KCTD1: variants seen among roughly 807,000 people sequenced by gnomAD.
KCTD1 encodes the protein potassium channel tetramerization domain containing 1, also known as BTB/POZ domain-containing protein KCTD1.
KCTD1 carries 24 observed loss-of-function variants against 66.0 expected under a neutral mutation model. The observed-to-expected ratio is 0.36, with a 90% CI of 0.26 to 0.51. The LOEUF is 0.51. KCTD1 is among the 20% of genes least tolerant of loss of function. The pLI is 0.95. For missense variants in KCTD1, 943 were observed against 1,205.2 expected, an observed-to-expected ratio of 0.78 and a Z score of 3.22; for synonymous variants, 511 against 517.2, an observed-to-expected ratio of 0.99 and a Z score of 0.16.
chr18:26,470,787 AG>A (rs1981016257), intron 3 of KCTD1, among the ~76,000 whole-genome samples: 1 of 152,322 alleles, frequency 6.6e-6, no homozygotes, highest in South Asian at 2.1e-4. Flanking sequence ...CACCAGGCCC[AG>A]GTAGGTTTGC....
At chr18:26,601,633 C>G (rs1025409576) in intron 1 of KCTD1, among the ~76,000 whole-genome samples, 1 of 152,204 alleles carries the variant, frequency 6.6e-6, no homozygotes, top group African/African-American at 2.4e-5. Flanking sequence ...AATACTATGT[C>G]TTCCAATCCA....
upstream of KCTD1, among the ~76,000 whole-genome samples, chr18:26,550,203 C>T (rs376803269): frequency 4.6e-5 from 7 of 152,238 alleles, no homozygotes; most frequent in East Asian, 1.9e-4. The surrounding 1 kb of genome is among the most constrained non-coding windows in gnomAD (Gnocchi z 5.4). Context: ...GAATTTACCT[C>T]CAAGTCCGAA....
At chr18:26,509,887 C>A (rs953232284) in intron 1 of KCTD1, among the ~76,000 whole-genome samples, 1 of 152,158 alleles carries the variant, frequency 6.6e-6, no homozygotes, top group Non-Finnish European at 1.5e-5. Context: ...CCGATCTAAC[C>A]CCAGTATCCT....
chr18:26,600,931 C>T (rs573742942), intron 1 of KCTD1, among the ~76,000 whole-genome samples: 5 of 152,110 alleles, frequency 3.3e-5, no homozygotes, highest in African/African-American at 1.2e-4. Context: ...TTTATGTTAA[C>T]CTTCAGGTAT....
chr18:26,599,490 G>A, intron 1 of KCTD1: 2 of 1,606,634 alleles, frequency 1.2e-6, no homozygotes, highest in Non-Finnish European at 8.5e-7. Context: ...GAAAGGTCTG[G>A]TGGATGAGCT....
At chr18:26,654,576 T>G (rs1988093872) in intron 1 of KCTD1, among the ~76,000 whole-genome samples, 1 of 152,210 alleles carries the variant, frequency 6.6e-6, no homozygotes, top group Non-Finnish European at 1.5e-5. Flanking sequence ...CTTTATATAT[T>G]GTGCTTCAGG....
intron 1 of KCTD1, among the ~76,000 whole-genome samples, chr18:26,506,136 C>A (rs1481938165): frequency 6.6e-6 from 1 of 152,136 alleles, no homozygotes; most frequent in Non-Finnish European, 1.5e-5. Context: ...CCCGCCTTGG[C>A]CTCCCAAAGT....
chr18:26,596,495 A>G (rs1355780975), intron 1 of KCTD1, among the ~76,000 whole-genome samples: 2 of 152,216 alleles, frequency 1.3e-5, no homozygotes, highest in Non-Finnish European at 2.9e-5. Context: ...AGGGGACTTA[A>G]TTCTAATTAA....
intron 1 of KCTD1, among the ~76,000 whole-genome samples, chr18:26,635,289 AATG>A (rs1204676055): frequency 2.6e-5 from 4 of 152,334 alleles, no homozygotes; most frequent in South Asian, 4.1e-4. Context: ...ATAAAGTAGG[AATG>A]ATAAGAGTTT....
intron 1 of KCTD1, among the ~76,000 whole-genome samples, chr18:26,557,723 T>C (rs569955888): frequency 1.3e-5 from 2 of 150,112 alleles, no homozygotes; most frequent in Non-Finnish European, 2.9e-5. Context: ...TCTGGGGCGG[T>C]GAATTCACTT....
At chr18:26,643,321 C>T (rs536355488), upstream of KCTD1, among the ~76,000 whole-genome samples, 221 of 152,254 alleles carry the variant, frequency 1.5e-3, no homozygotes, top group African/African-American at 5.0e-3. Context: ...TCCCCAAAGT[C>T]CCTATCTCTA....
At chr18:26,571,394 C>T (rs1986102810) in intron 1 of KCTD1, among the ~76,000 whole-genome samples, 1 of 152,074 alleles carries the variant, frequency 6.6e-6, no homozygotes, top group Non-Finnish European at 1.5e-5. Context: ...TACAGTTGTC[C>T]CTCAGTATCT....
At chr18:26,612,288 C>T (rs1987154314) in intron 1 of KCTD1, among the ~76,000 whole-genome samples, 1 of 152,126 alleles carries the variant, frequency 6.6e-6, no homozygotes, top group Non-Finnish European at 1.5e-5. Context: ...CTCAGGGAGT[C>T]CACCTTGGTT....
At chr18:26,615,611 G>GTAC (rs879025179) in intron 1 of KCTD1, among the ~76,000 whole-genome samples, 3 of 152,174 alleles carry the variant, frequency 2.0e-5, no homozygotes, top group Admixed American at 2.0e-4. Flanking sequence ...TCCCCTTACA[G>GTAC]TACTGGTCCC....
chr18:26,501,228 C>G lies in KCTD1; in HGVS notation c.1832G>C (p.Arg611Thr). 6.2e-7 allele frequency: 1 copy of G among 1,613,956 alleles called. No individual in the cohort carries two copies. Among genetic ancestry groups the G allele is most frequent in the Non-Finnish European group, 8.5e-7 (1 of 1,179,982 alleles). ...PTQDSRPNMS[R>T]PLITRSPASP... ...TGCAGGGGATCTAGTGATCAGAGGTCTTGACATATTGGGCCGACTGTCCTA... is the reference window on the plus strand; with the variant it reads ...TGCAGGGGATCTAGTGATCAGAGGTGTTGACATATTGGGCCGACTGTCCTA... The change falls in exon 2 of 5, where the codon AGA becomes ACA. Residue 611 changes from arginine (R) to threonine (T), a missense_variant. Coordinates refer to ENST00000580059, the MANE Select transcript of KCTD1 (RefSeq NM_001142730.3).
intron 1 of KCTD1, among the ~76,000 whole-genome samples, chr18:26,656,397 G>A (rs1204129627): frequency 6.6e-6 from 1 of 152,324 alleles, no homozygotes; most frequent in Admixed American, 6.5e-5. Flanking sequence ...GAGGAGGTGG[G>A]GAGGAAGAGG....
At chr18:26,652,933 C>G (rs2145082800) in intron 1 of KCTD1, among the ~76,000 whole-genome samples, 1 of 152,352 alleles carries the variant, frequency 6.6e-6, no homozygotes, top group East Asian at 1.9e-4. Context: ...TGACACTTCT[C>G]TCTTCTTGTT....
intron 1 of KCTD1, among the ~76,000 whole-genome samples, chr18:26,589,993 AG>A (rs1986561406): frequency 2.6e-5 from 4 of 151,970 alleles, no homozygotes; most frequent in Non-Finnish European, 5.9e-5. Flanking sequence ...AACTGAAAGG[AG>A]GTAATGCTTC....
intron 3 of KCTD1, among the ~76,000 whole-genome samples, chr18:26,473,448 A>G (rs1052557878): frequency 6.6e-5 from 10 of 152,084 alleles, no homozygotes; most frequent in African/African-American, 2.4e-4. Context: ...TAAATAACTA[A>G]TGCATGCAAG....
Sources: gnomAD v4.1 joint callset for allele counts (sites outside exome capture counted in the v4.1 genomes callset) on GRCh38, gnomAD v4.1.1 for gene constraint, Gnocchi (gnomAD v3.1) non-coding constraint, MANE v1.5 for transcripts, NCBI Gene and HGNC (gene_info 2026-07-23, HGNC 2026-07-21) for gene names.